The following KIR3DL3 variants were observed in gnomAD, a reference collection of about 807,000 sequenced individuals.
KIR3DL3 encodes the protein killer cell immunoglobulin like receptor, three Ig domains and long cytoplasmic tail 3, also known as killer cell immunoglobulin-like receptor 3DL3.
Under a neutral mutation model 34.9 loss-of-function variants are expected in KIR3DL3, and 27 were observed. The observed-to-expected ratio is 0.77, with a 90% CI of 0.57 to 1.07. The LOEUF is 1.07. Ranked by LOEUF, KIR3DL3 falls within the 50% of genes least tolerant of loss-of-function variation. The pLI, the probability that KIR3DL3 is intolerant of heterozygous loss-of-function variation, is 0.00. For missense variants in KIR3DL3, 681 were observed against 528.5 expected (o/e 1.29, Z -2.83); for synonymous variants, 217 against 200.2 (o/e 1.08, Z -0.71).
At chr19:54,734,730 G>A (rs1314536791) in intron 5 of KIR3DL3, among the ~76,000 whole-genome samples, 1 of 147,152 alleles carries the variant, frequency 6.8e-6, no homozygotes. Flanking sequence ...CTGGAAGCAT[G>A]GCACCAGCAT....
In KIR3DL3 at chr19:54,727,977, C is replaced by T. The variant is rs983237629; in HGVS notation, c.655+67C>T. On this transcript the variant is annotated intron_variant, in intron 4 of 7. Transcript: ENST00000291860. ...GGAGTGAATGATCTAGGACTGGAAG[C>T]CCCAGGTGGTCATGAGGAAGATGAG... 5.4e-6 allele frequency: 8 copies of T among 1,476,484 alleles called. No homozygotes were observed. The African/African-American group carries it at 1.1e-4, about 21-fold the overall frequency. The allele number at this position is 1,476,484 out of a possible 1,614,324, so 91.5% of individuals were successfully genotyped here. A position where few individuals can be genotyped will look rare whatever the true frequency, so the allele number is the denominator to read the frequency against.
chr19:54,732,861 T>G (rs3815426), intron 5 of KIR3DL3, among the ~76,000 whole-genome samples: 67,178 of 151,298 alleles, frequency 0.44, 15,503 homozygotes, highest in African/African-American at 0.59. Flanking sequence ...AGGAGCATGT[T>G]TTTGATACTC....
Position 54,726,308 on chromosome 19 carries a change from C to A in KIR3DL3, c.326C>A (p.Pro109His). 1 of 1,613,744 alleles carries A rather than the reference C, an allele frequency of 6.2e-7. No individual in the cohort carries two copies. The highest frequency in any genetic ancestry group is 8.5e-7 in the Non-Finnish European group (1 of 1,179,916). The change falls in exon 3 of 8, where the codon CCC becomes CAC. Residue 109 changes from proline to histidine, a missense_variant. Physicochemically the swap from Pro to His is moderately conservative, Grantham distance 77. Transcript: ENST00000291860. The part of the protein sequence containing the change: ...HPHSPTGWSA[P>H]SNPVVIMVTG... ...CACTCCCCCACTGGGTGGTCGGCAC[C>A]CAGCAACCCTGTGGTGATCATGGTC...
chr19:54,733,825 G>A (rs2069107487), intron 5 of KIR3DL3, among the ~76,000 whole-genome samples: 1 of 152,174 alleles, frequency 6.6e-6, no homozygotes, highest in African/African-American at 2.4e-5. Flanking sequence ...AATCACCTAT[G>A]GAGATACAGA....
At chr19:54,729,880 CCG>C in intron 5 of KIR3DL3, 94 bp downstream of exon 5, 2 of 1,254,762 alleles carry the variant, frequency 1.6e-6, no homozygotes. Context: ...TGGACAGATG[CCG>C]AGACAGAACA....
In KIR3DL3 at chr19:54,735,513, C is replaced by T. The variant is rs1352537810; in HGVS notation, c.1054+156C>T. Among the ~76,000 whole-genome samples, 5 of 134,884 alleles carry T rather than the reference C, an allele frequency of 3.7e-5. 1 individual carries two copies. Among genetic ancestry groups the T allele is most frequent in the African/African-American group, 8.7e-5 (3 of 34,500 alleles). The allele number at this position is 134,884 out of a possible 152,430, so 88.5% of individuals were successfully genotyped here. A position where few individuals can be genotyped will look rare whatever the true frequency, so the allele number is the denominator to read the frequency against. ...TCTAGAGAGAGCACCAGACTCCCTG[C>T]CTCTGCCTTCAGCTCACAGACCATT... On this transcript the variant is annotated intron_variant, in intron 6 of 7. Coordinates refer to ENST00000291860, the MANE Select transcript of KIR3DL3 (RefSeq NM_153443.5).
intron 4 of KIR3DL3, among the ~76,000 whole-genome samples, chr19:54,728,611 A>G (rs1261519903): frequency 6.6e-6 from 1 of 152,226 alleles, no homozygotes; most frequent in Non-Finnish European, 1.5e-5. Flanking sequence ...ATGAGCCAGA[A>G]GAAGGGAATT....
At chr19:54,735,425 G>T (rs1238773721) in intron 6 of KIR3DL3, 68 bp downstream of exon 6, 3 of 778,730 alleles carry the variant, frequency 3.9e-6, no homozygotes, top group African/African-American at 1.9e-5. Flanking sequence ...GAGCACTCAG[G>T]TGTGTGTTCC....
chr19:54,729,883 A>G (rs2068623725), intron 5 of KIR3DL3, 97 bp downstream of exon 5: 1 of 1,212,350 alleles, frequency 8.2e-7, no homozygotes, highest in South Asian at 1.5e-5. Flanking sequence ...ACAGATGCCG[A>G]GACAGAACAC....
rs2069392994 is a variant in KIR3DL3, at chr19:54,735,359, T to C, written c.1054+2T>C. On this transcript the variant is annotated splice_donor_variant, in intron 6 of 7. Transcript: ENST00000291860. LOFTEE classifies it high-confidence loss of function. ...ATCGCTGGTGTGCCAACAAAAAGAG[T>C]AAGTCTCACGAAGCAGAAGCCAGAG... 2 of 1,307,202 alleles carry C rather than the reference T, an allele frequency of 1.5e-6. No individual in the cohort carries two copies. Among genetic ancestry groups the C allele is most frequent in the Non-Finnish European group, 2.2e-6 (2 of 906,596 alleles). The allele number at this position is 1,307,202 out of a possible 1,614,324, so 81.0% of individuals were successfully genotyped here. A position where few individuals can be genotyped will look rare whatever the true frequency, so the allele number is the denominator to read the frequency against.
intron 6 of KIR3DL3, among the ~76,000 whole-genome samples, 178 bp from the exon 7 acceptor site, chr19:54,735,642 C>T (rs2069451888): frequency 7.8e-6 from 1 of 128,742 alleles, no homozygotes; most frequent in Non-Finnish European, 1.7e-5. Context: ...AGGATGGGAA[C>T]TCAGAGCTAT....
intron 4 of KIR3DL3, among the ~76,000 whole-genome samples, 173 bp downstream of exon 4, chr19:54,728,083 C>A (rs1478381158): frequency 6.6e-6 from 1 of 151,880 alleles, no homozygotes; most frequent in Non-Finnish European, 1.5e-5. Context: ...CAAGTACAGA[C>A]CTCATGTCAT....
chr19:54,725,987 T>G, intron 2 of KIR3DL3, 66 bp from the exon 3 acceptor site: 1 of 1,366,514 alleles, frequency 7.3e-7, no homozygotes, highest in Non-Finnish European at 1.0e-6. Flanking sequence ...GAGAATCTTC[T>G]GAGCACAGGG....
chr19:54,730,986 C>T (rs1185668646), intron 5 of KIR3DL3, among the ~76,000 whole-genome samples: 2 of 151,970 alleles, frequency 1.3e-5, no homozygotes, highest in Admixed American at 1.3e-4. Context: ...TGTCTTTTTA[C>T]ATTTTGTTTT....
Position 54,727,688 on chromosome 19 carries a change from T to G in KIR3DL3, c.433T>G (p.Trp145Gly). ...KSGETVILQC[W>G]SDVRFERFLL... Reference sequence around the variant, plus strand: ...AGGAGAGACGGTCATCCTGCAATGTTGGTCAGATGTCAGGTTTGAGCGCTT... The same window carrying G: ...AGGAGAGACGGTCATCCTGCAATGTGGGTCAGATGTCAGGTTTGAGCGCTT... Residue 145 changes from tryptophan to glycine, a missense_variant, in exon 4 of 8, where the codon TGG becomes GGG. Trp to Gly is a radical substitution (Grantham distance 184). Coordinates refer to ENST00000291860, the MANE Select transcript of KIR3DL3 (RefSeq NM_153443.5). 1 of 1,612,692 alleles carries G rather than the reference T, an allele frequency of 6.2e-7. No homozygotes were observed. The highest frequency in any genetic ancestry group is 8.5e-7 in the Non-Finnish European group (1 of 1,179,642).
Position 54,727,603 on chromosome 19 carries a change from C to T in KIR3DL3, c.356-8C>T, listed in dbSNP as rs2068328084. On this transcript the variant is annotated splice_region_variant and splice_polypyrimidine_tract_variant and intron_variant, in intron 3 of 7. Coordinates refer to ENST00000291860, the MANE Select transcript of KIR3DL3 (RefSeq NM_153443.5). Reference sequence around the variant, plus strand: ...GACGCCTTCTGAACTCACAACCTCTCTTCTTAGGAGTCCACAGAAAACCTT... The same window carrying T: ...GACGCCTTCTGAACTCACAACCTCTTTTCTTAGGAGTCCACAGAAAACCTT... 3 of 1,608,714 alleles carry T rather than the reference C, an allele frequency of 1.9e-6. No homozygotes were observed. The highest frequency in any genetic ancestry group is 2.2e-5 in the East Asian group (1 of 44,658).
Position 54,727,685 on chromosome 19 carries a change from TGTTGGTCAGATGTCAG to T in KIR3DL3, c.434_449del (p.Trp145LeufsTer36). 6.2e-7 allele frequency: 1 copy of T among 1,612,332 alleles called. No individual in the cohort carries two copies. The highest frequency in any genetic ancestry group is 2.2e-5 in the East Asian group (1 of 44,648). On this transcript the variant is annotated frameshift_variant, in exon 4 of 8. Transcript: ENST00000291860. LOFTEE classifies it high-confidence loss of function. ...ATCAGGAGAGACGGTCATCCTGCAA[TGTTGGTCAGATGTCAG>T]GTTTGAGCGCTTCCTTCTGCACAGA...
intron 5 of KIR3DL3, among the ~76,000 whole-genome samples, chr19:54,733,389 T>A (rs1044789923): frequency 2.0e-5 from 3 of 152,034 alleles, no homozygotes; most frequent in Non-Finnish European, 2.9e-5. Context: ...AAAATTAGCC[T>A]GGTGCATTGG....
At position 54,736,183 on chromosome 19, in the gene KIR3DL3, G is replaced by A. The variant is rs1358194359; in HGVS notation, c.*87G>A. On this transcript the variant is annotated 3_prime_UTR_variant, in exon 8 of 8. Transcript: ENST00000291860. ...TCAGGCCTTGATGGGATCTTCTAGG[G>A]AGACAATAGCCCTGTCTCAAAACCG... 6.4e-7 allele frequency: 1 copy of A among 1,567,402 alleles called. No individual in the cohort carries two copies. Among genetic ancestry groups the A allele is most frequent in the Non-Finnish European group, 8.7e-7 (1 of 1,144,122 alleles).
Sources: allele counts gnomAD v4.1 joint callset (sites outside exome capture counted in the v4.1 genomes callset), GRCh38; gene constraint gnomAD v4.1.1; transcripts MANE v1.5; gene names NCBI Gene and HGNC (gene_info 2026-07-23, HGNC 2026-07-21).